Variants in MICAL2 observed in about 807,000 individuals in gnomAD.
MICAL2 encodes microtubule associated monooxygenase, calponin and LIM domain containing 2, also known as [F-actin]-monooxygenase MICAL2.
In MICAL2, 77 loss-of-function variants were observed where a neutral mutation model predicts 127.3. That is an observed-to-expected ratio of 0.60 (90% CI 0.50 to 0.73). The LOEUF (loss-of-function observed/expected upper bound fraction) is 0.73. Ranked by LOEUF, MICAL2 falls within the 30% of genes least tolerant of loss-of-function variation. MICAL2 has a pLI of 0.00. For missense variants in MICAL2, 1,351 were observed against 1,434.4 expected (o/e 0.94, Z 0.94); for synonymous variants, 570 against 551.1 (o/e 1.03, Z -0.48).
chr11:12,206,007 C>G (rs1340473130), intron 4 of MICAL2, among the ~76,000 whole-genome samples: 2 of 152,194 alleles, frequency 1.3e-5, no homozygotes, highest in African/African-American at 4.8e-5. Context: ...TATTCAGACA[C>G]AGGAGAATTT....
rs1270902824 is a variant in MICAL2 at position 12,213,423 on chromosome 11, C to G, written c.847+13C>G. On this transcript the variant is annotated intron_variant, in intron 7 of 27. Coordinates refer to ENST00000683283, the MANE Select transcript of MICAL2 (RefSeq NM_001282663.2). ...AAAGAAGAAACAGGTGGGACCTTCA[C>G]CTTTCTCCCAACCAGGCCAAGGTCT... 1.2e-6 allele frequency: 2 copies of G among 1,610,106 alleles called. No individual in the cohort carries two copies. Among genetic ancestry groups the G allele is most frequent in the African/African-American group, 2.7e-5 (2 of 74,638 alleles).
intron 3 of MICAL2, among the ~76,000 whole-genome samples, chr11:12,171,639 A>G (rs1856264538): frequency 6.6e-6 from 1 of 152,148 alleles, no homozygotes; most frequent in African/African-American, 2.4e-5. Flanking sequence ...CTGAATTTGT[A>G]AGAGTGCATT....
At chr11:12,334,920 C>A (rs1402626212) in intron 32 of MICAL2, among the ~76,000 whole-genome samples, 2 of 152,062 alleles carry the variant, frequency 1.3e-5, no homozygotes, top group African/African-American at 4.8e-5. Flanking sequence ...CATACGTGCA[C>A]ATGTGTCTTT....
rs1590432592 is a variant in MICAL2 at position 12,222,261 on chromosome 11, A to T, written c.1323-356A>T. ...CTGGCGGGCGGAGGCAGGCCCTGAC[A>T]ATCTTGGGTGTGGAAGCCTGTGGTC... On this transcript the variant is annotated intron_variant, in intron 10 of 27. Transcript: ENST00000683283. Among the ~76,000 whole-genome samples, 4 of 152,072 alleles carry T rather than the reference A, an allele frequency of 2.6e-5. No individual in the cohort carries two copies. In the East Asian group the frequency reaches 7.7e-4, roughly 29 times the overall value.
At chr11:12,181,321 A>C (rs924044288) in intron 3 of MICAL2, among the ~76,000 whole-genome samples, 10 of 152,214 alleles carry the variant, frequency 6.6e-5, no homozygotes, top group Non-Finnish European at 1.3e-4. Flanking sequence ...ATATTTATGA[A>C]TGTCTGGTTT....
chr11:12,258,013 G>A (rs1401545928), intron 24 of MICAL2, among the ~76,000 whole-genome samples: 3 of 152,214 alleles, frequency 2.0e-5, no homozygotes, highest in Non-Finnish European at 4.4e-5. Context: ...TTAGCTGCCT[G>A]GCAACCGGTC....
chr11:12,312,609 T>C (rs1864186899), intron 29 of MICAL2, among the ~76,000 whole-genome samples: 1 of 152,206 alleles, frequency 6.6e-6, no homozygotes, highest in Admixed American at 6.5e-5. Context: ...GGCATACAAA[T>C]TTATTTGATC....
At chr11:12,151,106 A>C (rs569528479) in intron 2 of MICAL2, among the ~76,000 whole-genome samples, 1 of 152,332 alleles carries the variant, frequency 6.6e-6, no homozygotes, top group Admixed American at 6.5e-5. Flanking sequence ...CAGGGACTCA[A>C]GAGCTGAGTG....
chr11:12,260,286 C>T, intron 26 of MICAL2: 1 of 1,427,984 alleles, frequency 7.0e-7, no homozygotes, highest in Non-Finnish European at 9.1e-7. Flanking sequence ...AAGCAATTAG[C>T]TCAAAGCCAA....
At chr11:12,288,579 T>C (rs536597844), downstream of MICAL2, among the ~76,000 whole-genome samples, 1 of 152,214 alleles carries the variant, frequency 6.6e-6, no homozygotes, top group Non-Finnish European at 1.5e-5. Flanking sequence ...CTCGAGAGTA[T>C]ACAAAAGCTG....
chr11:12,337,921 G>A (rs11022309), intron 32 of MICAL2, among the ~76,000 whole-genome samples: 18,868 of 152,186 alleles, frequency 0.12, 1,449 homozygotes, highest in South Asian at 0.22. Context: ...TGAAAAGAAT[G>A]TATATTCTGT....
chr11:12,293,993 A>G (rs758693005), downstream of MICAL2: 3 of 1,614,068 alleles, frequency 1.9e-6, no homozygotes, highest in African/African-American at 1.3e-5. Flanking sequence ...TCAGGAGCAG[A>G]AGACCATGTT....
downstream of MICAL2, among the ~76,000 whole-genome samples, chr11:12,290,517 A>AATTTGGCAGGG (rs1205123843): frequency 6.6e-6 from 1 of 151,846 alleles, no homozygotes. Context: ...GGGAAGAAGG[A>AATTTGGCAGGG]ATTTGGCAAA....
At chr11:12,358,707 T>A (rs547234467), downstream of MICAL2, 1 of 334,790 alleles carries the variant, frequency 3.0e-6, no homozygotes, top group Admixed American at 4.5e-5. Context: ...GCAGTCAACT[T>A]CAGCCAGGCT....
At chr11:12,210,197 G>A (rs1015180562) in intron 6 of MICAL2, among the ~76,000 whole-genome samples, 11 of 152,062 alleles carry the variant, frequency 7.2e-5, no homozygotes, top group South Asian at 2.1e-4. Flanking sequence ...AGTATCTTTC[G>A]TGGGGTAAGA....
chr11:12,146,051 T>C (rs527506617), intron 2 of MICAL2, among the ~76,000 whole-genome samples: 3 of 152,306 alleles, frequency 2.0e-5, no homozygotes, highest in East Asian at 1.9e-4. Flanking sequence ...TTACACCTTA[T>C]ACAAAAATTA....
intron 6 of MICAL2, among the ~76,000 whole-genome samples, chr11:12,212,352 A>G (rs985005182): frequency 6.6e-6 from 1 of 152,128 alleles, no homozygotes; most frequent in Non-Finnish European, 1.5e-5. Flanking sequence ...TGACACATGC[A>G]TATTGTCCCA....
chr11:12,277,486 G>A (rs1282494928), intron 1 of MICAL2, among the ~76,000 whole-genome samples: 1 of 152,178 alleles, frequency 6.6e-6, no homozygotes, highest in African/African-American at 2.4e-5. Flanking sequence ...GCCTCCCAGA[G>A]GAGGTGACAT....
At chr11:12,118,355 T>G (rs1850216091) in intron 1 of MICAL2, among the ~76,000 whole-genome samples, 1 of 152,236 alleles carries the variant, frequency 6.6e-6, no homozygotes, top group African/African-American at 2.4e-5. Flanking sequence ...GTTCTTACTT[T>G]TTTGGCAGCT....
Sources: allele counts gnomAD v4.1 joint callset (sites outside exome capture counted in the v4.1 genomes callset), GRCh38; gene constraint gnomAD v4.1.1; transcripts MANE v1.5; gene names NCBI Gene and HGNC (gene_info 2026-07-23, HGNC 2026-07-21).